FRMD5: variants seen among roughly 807,000 people sequenced by gnomAD.
FRMD5 encodes FERM domain-containing protein 5.
In FRMD5, 20 loss-of-function variants were observed where a neutral mutation model predicts 69.0. The ratio of observed to expected loss-of-function variants is 0.29; its 90% CI spans 0.20 to 0.42. The LOEUF is 0.42. Ranked by LOEUF, FRMD5 falls within the 10% of genes least tolerant of loss-of-function variation. The pLI, the probability that FRMD5 is intolerant of heterozygous loss-of-function variation, is 1.00. For missense variants in FRMD5, 595 were observed against 708.6 expected (o/e 0.84, Z 1.82); for synonymous variants, 271 against 260.1 (o/e 1.04, Z -0.40).
intron 1 of FRMD5, among the ~76,000 whole-genome samples, chr15:43,973,055 C>T (rs941722711): frequency 1.3e-5 from 2 of 152,086 alleles, no homozygotes; most frequent in Admixed American, 6.5e-5. Context: ...CGGAGTCTCG[C>T]TCTGTCCTCC....
chr15:43,965,196 CAG>C (rs1446363569), intron 1 of FRMD5, among the ~76,000 whole-genome samples: 3 of 152,238 alleles, frequency 2.0e-5, no homozygotes, highest in African/African-American at 4.8e-5. Flanking sequence ...AAGGAACGGG[CAG>C]AGACTTTTCC....
intron 1 of FRMD5, among the ~76,000 whole-genome samples, chr15:44,022,179 G>A (rs1343164291): frequency 6.6e-6 from 1 of 152,082 alleles, no homozygotes; most frequent in African/African-American, 2.4e-5. Flanking sequence ...CTCTGAAAAT[G>A]GATAATAGTG....
intron 1 of FRMD5, among the ~76,000 whole-genome samples, chr15:44,139,871 G>A (rs1335240504): frequency 1.3e-5 from 2 of 151,868 alleles, no homozygotes; most frequent in African/African-American, 4.8e-5. Context: ...AATTAATAAG[G>A]AGAGACTGAC....
chr15:44,060,986 T>C lies in FRMD5; in HGVS notation c.102+133967A>G, dbSNP rs541930745. On this transcript the variant is annotated intron_variant, in intron 1 of 13. Transcript: ENST00000417257. ...TAGACATAATGTCTAGTATACAACA[T>C]AAACTTTCAAACTGTAACACTCTTC... Among the ~76,000 whole-genome samples the C allele has an allele frequency of 4.6e-5, 7 of 152,306 alleles. No individual in the cohort carries two copies. In the East Asian group the frequency reaches 9.6e-4, roughly 21 times the overall value.
At chr15:43,951,501 A>G (rs2090028493) in intron 1 of FRMD5, among the ~76,000 whole-genome samples, 3 of 152,292 alleles carry the variant, frequency 2.0e-5, no homozygotes, top group South Asian at 2.1e-4. Flanking sequence ...GAACACTAGA[A>G]CTATAATGAA....
At chr15:43,995,620 C>T (rs11638660) in intron 1 of FRMD5, among the ~76,000 whole-genome samples, 158 of 152,086 alleles carry the variant, frequency 1.0e-3, no homozygotes, top group Non-Finnish European at 1.8e-3. Flanking sequence ...TCTATGGGGA[C>T]TGGCCTGGAG....
intron 1 of FRMD5, among the ~76,000 whole-genome samples, chr15:44,155,795 A>G (rs938996832): frequency 6.6e-6 from 1 of 151,732 alleles, no homozygotes. Flanking sequence ...GATTTCACCA[A>G]CGTTGGCCAG....
chr15:43,883,656 C>CACA lies in FRMD5; in HGVS notation c.1135+44_1135+46dup. 3 of 1,375,274 alleles carry CACA rather than the reference C, an allele frequency of 2.2e-6. No individual in the cohort carries two copies. The East Asian group carries it at 7.0e-5, about 32-fold the overall frequency. 85.2% of individuals were successfully genotyped at this position (1,375,274 alleles called of 1,614,324 possible). On this transcript the variant is annotated intron_variant, in intron 13 of 13. Transcript: ENST00000417257. ...TTAGCCTCTTTTCAAGGTCCCAGATCACAACTTGGAGGACCCCAGTGGTCA... is the reference window on the plus strand; with the variant it reads ...TTAGCCTCTTTTCAAGGTCCCAGATCACAACAACTTGGAGGACCCCAGTGGTCA...
chr15:44,103,430 C>T (rs914323654), intron 1 of FRMD5, among the ~76,000 whole-genome samples: 10 of 152,038 alleles, frequency 6.6e-5, no homozygotes, highest in Admixed American at 5.9e-4. Context: ...TAGTCTTTGG[C>T]GTTTTACCTT....
intron 1 of FRMD5, among the ~76,000 whole-genome samples, chr15:44,050,962 C>CT: frequency 6.6e-6 from 1 of 151,492 alleles, no homozygotes; most frequent in East Asian, 2.0e-4. Flanking sequence ...CCAGCCTGGC[C>CT]TTTTTTTCTT....
At chr15:44,165,103 A>G (rs1166148764) in intron 1 of FRMD5, among the ~76,000 whole-genome samples, 2 of 152,160 alleles carry the variant, frequency 1.3e-5, no homozygotes, top group South Asian at 2.1e-4. Context: ...TGTCCTTGCA[A>G]TAAAGTCCCC....
intron 1 of FRMD5, among the ~76,000 whole-genome samples, chr15:43,980,681 T>C (rs2090534743): frequency 6.6e-6 from 1 of 152,132 alleles, no homozygotes; most frequent in Admixed American, 6.5e-5. Context: ...ACATCTGAAA[T>C]CTGATTTTTT....
At chr15:43,916,754 A>G (rs1040905293) in intron 4 of FRMD5, among the ~76,000 whole-genome samples, 6 of 151,632 alleles carry the variant, frequency 4.0e-5, no homozygotes, top group African/African-American at 1.2e-4. Flanking sequence ...CATGTAAGAT[A>G]GTGACACTGG....
At chr15:43,876,731 T>A (rs1485931143) in intron 13 of FRMD5, among the ~76,000 whole-genome samples, 1 of 152,220 alleles carries the variant, frequency 6.6e-6, no homozygotes, top group East Asian at 1.9e-4. Context: ...AAACTCTCTC[T>A]GCTCTTCTTG....
chr15:43,911,957 A>T (rs929820992), intron 4 of FRMD5, among the ~76,000 whole-genome samples: 5 of 152,084 alleles, frequency 3.3e-5, no homozygotes, highest in Non-Finnish European at 7.4e-5. Flanking sequence ...AACAAACAGA[A>T]ATGAGGGAGC....
At chr15:43,891,126 A>C (rs1040840257) in intron 8 of FRMD5, among the ~76,000 whole-genome samples, 5 of 152,232 alleles carry the variant, frequency 3.3e-5, no homozygotes, top group Admixed American at 6.5e-5. Flanking sequence ...GAAGGTACAG[A>C]AATCACAAGA....
intron 1 of FRMD5, among the ~76,000 whole-genome samples, chr15:44,070,601 C>A (rs1019671989): frequency 6.6e-6 from 1 of 152,040 alleles, no homozygotes; most frequent in Non-Finnish European, 1.5e-5. Flanking sequence ...TTATAAGAAT[C>A]AAAGAGATGA....
intron 1 of FRMD5, among the ~76,000 whole-genome samples, chr15:44,183,020 G>A (rs2078035299): frequency 6.6e-6 from 1 of 150,582 alleles, no homozygotes; most frequent in South Asian, 2.1e-4. Flanking sequence ...GGATGGTCTC[G>A]ATCTCCTGAC....
At chr15:43,992,783 T>C (rs1041545760) in intron 1 of FRMD5, among the ~76,000 whole-genome samples, 2 of 152,138 alleles carry the variant, frequency 1.3e-5, no homozygotes, top group African/African-American at 4.8e-5. Context: ...TGGTCATTGC[T>C]CGTTGTAACC....
Sources: allele counts gnomAD v4.1 joint callset (sites outside exome capture counted in the v4.1 genomes callset), GRCh38; gene constraint gnomAD v4.1.1; transcripts MANE v1.5; gene names NCBI Gene and HGNC (gene_info 2026-07-23, HGNC 2026-07-21).